The following TBP variants were observed in gnomAD, a reference collection of about 807,000 sequenced individuals.
TBP encodes the protein TATA-box-binding protein.
In TBP, 12 loss-of-function variants were observed where a neutral mutation model predicts 46.2. The ratio of observed to expected loss-of-function variants is 0.26; its 90% CI spans 0.17 to 0.42. The LOEUF (loss-of-function observed/expected upper bound fraction) is 0.42, where lower values mean the gene tolerates loss of function less well. Among genes scored for constraint, TBP ranks in the 10% least tolerant of loss-of-function variants. The pLI is 1.00. For missense variants in TBP, 229 were observed against 403.1 expected (o/e 0.57, Z 3.70); for synonymous variants, 157 against 148.3 (o/e 1.06, Z -0.42).
intron 3 of TBP, 79 bp from the exon 4 acceptor site, chr6:170,564,466 T>C: frequency 1.1e-6 from 1 of 952,364 alleles, no homozygotes; most frequent in East Asian, 2.6e-5. Context: ...TAATCAGATG[T>C]CTGCATAATT....
chr6:170,557,947 T>G (rs1310277812), intron 2 of TBP, among the ~76,000 whole-genome samples: 1 of 152,218 alleles, frequency 6.6e-6, no homozygotes, highest in Non-Finnish European at 1.5e-5. Context: ...AGATTAGTTT[T>G]GTCTATTCTA....
chr6:170,561,705 A>G, intron 2 of TBP, 86 bp from the exon 3 acceptor site: 1 of 1,544,762 alleles, frequency 6.5e-7, no homozygotes, highest in Non-Finnish European at 8.7e-7. Context: ...CTGTCTTTGC[A>G]CACCTGACCT....
chr6:170,571,341 C>A, intron 6 of TBP, 69 bp from the exon 7 acceptor site: 1 of 1,073,018 alleles, frequency 9.3e-7, no homozygotes, highest in Non-Finnish European at 1.4e-6. Context: ...TTTCCTTGTA[C>A]AGGTCCTCAT....
At chr6:170,558,227 A>G (rs1174731842) in intron 2 of TBP, among the ~76,000 whole-genome samples, 2 of 152,168 alleles carry the variant, frequency 1.3e-5, no homozygotes, top group Non-Finnish European at 2.9e-5. Flanking sequence ...TAGGAGTAGG[A>G]TTGCTAGGTC....
Position 170,556,777 on chromosome 6 carries a change from C to G in TBP, c.-148-105C>G, listed in dbSNP as rs540034815. 4 of 354,664 alleles carry G rather than the reference C, an allele frequency of 1.1e-5. No homozygotes were observed. The South Asian group carries it at 5.1e-4, about 45-fold the overall frequency. The allele number at this position is 354,664 out of a possible 1,614,324, so 22.0% of individuals were successfully genotyped here. Reference sequence around the variant, plus strand: ...AAACAAATGTATTCCAAAATAGCTTCATTGGTTTTCATGTTTGTGTTTTGT... The same window carrying G: ...AAACAAATGTATTCCAAAATAGCTTGATTGGTTTTCATGTTTGTGTTTTGT... On this transcript the variant is annotated intron_variant, in intron 1 of 7. Transcript: ENST00000392092.
intron 5 of TBP, among the ~76,000 whole-genome samples, chr6:170,568,642 A>G (rs944190298): frequency 1.3e-5 from 2 of 150,952 alleles, no homozygotes; most frequent in African/African-American, 4.9e-5. Context: ...TTTAGTAGAG[A>G]TGGGGTTTCA....
intron 3 of TBP, among the ~76,000 whole-genome samples, chr6:170,563,493 T>C (rs976147292): frequency 1.3e-5 from 2 of 152,252 alleles, no homozygotes; most frequent in Admixed American, 1.3e-4. Flanking sequence ...ATAGATATAC[T>C]AAAATCTACT....
At chr6:170,569,550 A>T in intron 5 of TBP, 62 bp from the exon 6 acceptor site, 1 of 1,455,146 alleles carries the variant, frequency 6.9e-7, no homozygotes, top group Non-Finnish European at 9.4e-7. Flanking sequence ...ATAAGTTATT[A>T]GTCTAAATAA....
Position 170,564,632 on chromosome 6 carries a change from G to T in TBP, c.585G>T (p.Lys195Asn). 1 of 1,598,844 alleles carries T rather than the reference G, an allele frequency of 6.3e-7. No individual in the cohort carries two copies. Among genetic ancestry groups the T allele is most frequent in the Non-Finnish European group, 8.5e-7 (1 of 1,171,660 alleles). Residue 195 changes from lysine to asparagine, a missense_variant and splice_region_variant, in exon 4 of 8, where the codon AAG becomes AAT. Lys to Asn is a moderately conservative substitution (Grantham distance 94). Around this residue, in one of 4 missense-constraint regions of TBP, gnomAD observed 67 missense variants for 188.2 expected, o/e 0.36. Transcript: ENST00000392092. ...CCCGAAACGCCGAATATAATCCCAAGGTTAGATCTATTTTAATGTATTTCT... is the reference window on the plus strand; with the variant it reads ...CCCGAAACGCCGAATATAATCCCAATGTTAGATCTATTTTAATGTATTTCT... ...LRARNAEYNP[K>N]RFAAVIMRIR...
intron 5 of TBP, 103 bp from the exon 6 acceptor site, chr6:170,569,509 C>T (rs1467521874): frequency 1.3e-5 from 13 of 970,328 alleles, no homozygotes; most frequent in African/African-American, 3.3e-5. Context: ...GACCAGTTTA[C>T]ACTTTATTAG....
rs1032259804 is a variant in TBP, at chr6:170,572,383, G to T, written c.*118G>T. 1 of 857,002 alleles carries T rather than the reference G, an allele frequency of 1.2e-6. No homozygotes were observed. Among genetic ancestry groups the T allele is most frequent in the East Asian group, 2.5e-5 (1 of 39,488 alleles). The allele number at this position is 857,002 out of a possible 1,614,324, so 53.1% of individuals were successfully genotyped here. A position where few individuals can be genotyped will look rare whatever the true frequency, so the allele number is the denominator to read the frequency against. The stretch of plus-strand genomic sequence containing the variant: ...GAGAAGATGGATGTTGAGTTGCAGG[G>T]TGTGGCACCAGGTGATGCCCTTCTG... On this transcript the variant is annotated 3_prime_UTR_variant, in exon 8 of 8. Coordinates refer to ENST00000392092, the MANE Select transcript of TBP (RefSeq NM_003194.5).
Position 170,567,776 on chromosome 6 carries a change from TATAAA to T in TBP, c.677+770_677+774del, listed in dbSNP as rs1779292199. Among the ~76,000 whole-genome samples, 8 of 152,330 alleles carry T rather than the reference TATAAA, an allele frequency of 5.3e-5. No homozygotes were observed. The South Asian group carries it at 1.7e-3, about 32-fold the overall frequency. ...CAGATCTTAAGGAATGCACCCTTGT[TATAAA>T]ATGTCATTGCCTATATTCTCCATCT... On this transcript the variant is annotated intron_variant, in intron 5 of 7. Coordinates refer to ENST00000392092, the MANE Select transcript of TBP (RefSeq NM_003194.5).
chr6:170,566,663 A>G (rs1054220709), intron 4 of TBP, among the ~76,000 whole-genome samples: 3 of 152,378 alleles, frequency 2.0e-5, no homozygotes, highest in East Asian at 1.9e-4. Context: ...TGGAATGCTC[A>G]TGTGAAAGAA....
Position 170,556,992 on chromosome 6 carries a change from G to A in TBP, c.-38G>A, listed in dbSNP as rs370692746. On this transcript the variant is annotated 5_prime_UTR_variant, in exon 2 of 8. Coordinates refer to ENST00000392092, the MANE Select transcript of TBP (RefSeq NM_003194.5). ...ATTGAATAGTGAGACGAGTTCCAGC[G>A]CAAGGGTTTCTGGTTTGCCAAGAAG... 1.2e-5 allele frequency: 20 copies of A among 1,609,810 alleles called. No individual in the cohort carries two copies. Among genetic ancestry groups the A allele is most frequent in the Middle Eastern group, 1.6e-4 (1 of 6,068 alleles).
chr6:170,560,690 A>G (rs538875721), intron 2 of TBP, among the ~76,000 whole-genome samples: 154 of 152,346 alleles, frequency 1.0e-3, no homozygotes, highest in African/African-American at 3.3e-3. Context: ...TCTAGACTTC[A>G]GTGCTGGAAG....
At chr6:170,561,652 TC>T in intron 2 of TBP, 138 bp from the exon 3 acceptor site, 1 of 1,468,534 alleles carries the variant, frequency 6.8e-7, no homozygotes, top group East Asian at 2.3e-5. Flanking sequence ...AGCTGGTTCT[TC>T]CGTAATTAAT....
intron 3 of TBP, among the ~76,000 whole-genome samples, chr6:170,562,573 C>G (rs1779170381): frequency 6.6e-6 from 1 of 152,148 alleles, no homozygotes; most frequent in Admixed American, 6.5e-5. Flanking sequence ...GTCTCTTTCC[C>G]TTATGCTATT....
chr6:170,570,938 C>T (rs1779356100), intron 6 of TBP, among the ~76,000 whole-genome samples: 1 of 152,106 alleles, frequency 6.6e-6, no homozygotes, highest in Admixed American at 6.6e-5. Context: ...TTCCTGACCA[C>T]AATTGTCAGC....
chr6:170,554,703 G>A (rs987704591), intron 1 of TBP: 1 of 152,594 alleles, frequency 6.6e-6, no homozygotes, highest in African/African-American at 2.4e-5. Flanking sequence ...GTGGGGCTCA[G>A]GGTACTACTG....
Sources: gnomAD v4.1 joint callset for allele counts (sites outside exome capture counted in the v4.1 genomes callset) on GRCh38, gnomAD v4.1.1 for gene constraint, gnomAD v4.1.1 regional missense constraint, MANE v1.5 for transcripts, NCBI Gene and HGNC (gene_info 2026-07-23, HGNC 2026-07-21) for gene names.